GEMIN4: variants seen among roughly 807,000 people sequenced by gnomAD.
The protein encoded by GEMIN4 is gem-associated protein 4.
A neutral mutation model predicts 76.8 loss-of-function variants in GEMIN4; 59 were observed. The observed-to-expected ratio is 0.77, with a 90% CI of 0.62 to 0.95. The LOEUF is 0.95. GEMIN4 is among the 40% of genes least tolerant of loss of function. The pLI is 0.00. For synonymous variants in GEMIN4, 562 were observed against 559.7 expected, an observed-to-expected ratio of 1.00 and a Z score of -0.06; for missense variants, 1,311 against 1,318.9, an observed-to-expected ratio of 0.99 and a Z score of 0.09.
At chr17:749,929 G>A in intron 1 of GEMIN4, 2 of 986,774 alleles carry the variant, frequency 2.0e-6, no homozygotes, top group Non-Finnish European at 2.4e-6. Context: ...AAACCAGGGA[G>A]TAGATACAGA....
chr17:744,841 T>C lies in GEMIN4; in HGVS notation c.*25A>G. Reference sequence around the variant, plus strand: ...GCTGATCTTCTGCAGACCCGCCATGTTGGGGCCCAGCTCCCCACGCCAAGT... The same window carrying C: ...GCTGATCTTCTGCAGACCCGCCATGCTGGGGCCCAGCTCCCCACGCCAAGT... On this transcript the variant is annotated 3_prime_UTR_variant, in exon 2 of 2. Transcript: ENST00000319004. The C allele has an allele frequency of 6.3e-7, 1 of 1,589,498 alleles. No homozygotes were observed. Among genetic ancestry groups the C allele is most frequent in the Non-Finnish European group, 8.6e-7 (1 of 1,169,338 alleles).
At position 746,960 on chromosome 17, in the gene GEMIN4, G is replaced by C; in HGVS notation, c.1083C>G (p.Leu361=). 1.9e-6 allele frequency: 3 copies of C among 1,613,400 alleles called. No individual in the cohort carries two copies. Among genetic ancestry groups the C allele is most frequent in the Non-Finnish European group, 2.5e-6 (3 of 1,179,808 alleles). The change falls in exon 2 of 2, where the codon CTC becomes CTG. Residue 361 remains leucine, a synonymous_variant. Transcript: ENST00000319004. The surrounding 1 kb of genome is among the most constrained non-coding windows in gnomAD (Gnocchi z 4.3). ...SLTSFSQNAT[L]YLNRTSLSKE... is the part of the protein sequence containing the mutation. ...TGGACAGGCTGGTGCGGTTCAGGTAGAGCGTCGCGTTCTGGCTGAAGGAAG... is the reference window on the plus strand; with the variant it reads ...TGGACAGGCTGGTGCGGTTCAGGTACAGCGTCGCGTTCTGGCTGAAGGAAG...
Position 745,393 on chromosome 17 carries a change from G to C in GEMIN4, c.2650C>G (p.Leu884Val). 1.2e-6 allele frequency: 2 copies of C among 1,613,124 alleles called. No individual in the cohort carries two copies. The highest frequency in any genetic ancestry group is 8.5e-7 in the Non-Finnish European group (1 of 1,179,870). Residue 884 changes from leucine (L) to valine (V), a missense_variant, in exon 2 of 2, where the codon CTC becomes GTC. Coordinates refer to ENST00000319004, the MANE Select transcript of GEMIN4 (RefSeq NM_015721.3). The surrounding 1 kb of genome is among the most constrained non-coding windows in gnomAD (Gnocchi z 4.6). ...QLTRRLLEKQLLHVPYSLEYI... is the reference protein window; with the variant it reads ...QLTRRLLEKQVLHVPYSLEYI... ...TCCAGGCTATAAGGGACATGGAGGA[G>C]CTGCTTCTCCAGCAGTCTCCTGGTC...
chr17:752,110 G>A (rs1236092530), intron 1 of GEMIN4, 23 bp downstream of exon 1: 5 of 1,232,806 alleles, frequency 4.1e-6, no homozygotes, highest in Non-Finnish European at 5.1e-6. Flanking sequence ...CGCAGCCCGG[G>A]GCCGGGGAGC....
At position 750,938 on chromosome 17, in the gene GEMIN4, A is replaced by C. The variant is rs1332396902; in HGVS notation, c.10+1195T>G. On this transcript the variant is annotated intron_variant, in intron 1 of 1. Coordinates refer to ENST00000319004, the MANE Select transcript of GEMIN4 (RefSeq NM_015721.3). ...TCAGGAGGCTCTCCCAGGGTCCCAAAATATAGTCCCTCCTGACGCTGTAAA... is the reference window on the plus strand; with the variant it reads ...TCAGGAGGCTCTCCCAGGGTCCCAACATATAGTCCCTCCTGACGCTGTAAA... Among the ~76,000 whole-genome samples, 4 of 152,294 alleles carry C rather than the reference A, an allele frequency of 2.6e-5. No individual in the cohort carries two copies. The East Asian group carries it at 7.7e-4, about 29-fold the overall frequency.
Position 746,201 on chromosome 17 carries a change from C to T in GEMIN4, c.1842G>A (p.Lys614=). The T allele has an allele frequency of 6.2e-7, 1 of 1,613,858 alleles. No individual in the cohort carries two copies. Among genetic ancestry groups the T allele is most frequent in the South Asian group, 1.1e-5 (1 of 91,084 alleles). The part of the protein sequence containing the change: ...VSCLKETVWM[K]FSTPKEEKQF... ...GCTTTTCTTCCTTGGGTGTAGAGAA[C>T]TTCATCCAGACGGTTTCTTTGAGGC... Residue 614 remains lysine, a synonymous_variant, in exon 2 of 2, where the codon AAG becomes AAA. Transcript: ENST00000319004. This position sits in a 1 kb window ranked among gnomAD's most constrained non-coding sequence, Gnocchi z 4.3.
rs983669400 is a variant in GEMIN4 at position 752,146 on chromosome 17, G to T, written c.-4C>A. The T allele has an allele frequency of 6.5e-6, 8 of 1,237,250 alleles. No individual in the cohort carries two copies. Among genetic ancestry groups the T allele is most frequent in the African/African-American group, 3.1e-5 (2 of 64,654 alleles). 76.6% of individuals were successfully genotyped at this position (1,237,250 alleles called of 1,614,324 possible). A position where few individuals can be genotyped will look rare whatever the true frequency, so the allele number is the denominator to read the frequency against. Reference sequence around the variant, plus strand: ...CGCGGCACCCACCTAGGTCCATGGCGGCGACGCCGGCGGCTGCGCGGGGCT... The same window carrying T: ...CGCGGCACCCACCTAGGTCCATGGCTGCGACGCCGGCGGCTGCGCGGGGCT... On this transcript the variant is annotated 5_prime_UTR_variant, in exon 1 of 2. Coordinates refer to ENST00000319004, the MANE Select transcript of GEMIN4 (RefSeq NM_015721.3).
chr17:752,066 C>G, intron 1 of GEMIN4, 67 bp downstream of exon 1: 2 of 1,095,456 alleles, frequency 1.8e-6, no homozygotes. Flanking sequence ...GGAGACGCGA[C>G]GGGGCAGCAC....
chr17:749,389 G>C (rs370950594), intron 1 of GEMIN4: 2 of 169,062 alleles, frequency 1.2e-5, no homozygotes, highest in East Asian at 4.4e-4. Context: ...ACGGCCACAG[G>C]ATAATGGGCA....
rs200678582 is a variant in GEMIN4 at position 747,063 on chromosome 17, C to A, written c.980G>T (p.Trp327Leu). The A allele has an allele frequency of 5.1e-5, 82 of 1,613,504 alleles. No individual in the cohort carries two copies. The African/African-American group carries it at 7.7e-4, about 15-fold the overall frequency. Residue 327 changes from tryptophan to leucine, a missense_variant, in exon 2 of 2, where the codon TGG (tryptophan) becomes TTG (leucine). By Grantham distance (61) the Trp-to-Leu change is moderately conservative. Transcript: ENST00000319004. ...CEFLHHLLRE[W>L]GEELQAVLRS... Reference sequence around the variant, plus strand: ...GAGCACGGCCTGCAACTCCTCCCCCCACTCCCGCAGCAGGTGGTGCAGGAA... The same window carrying A: ...GAGCACGGCCTGCAACTCCTCCCCCAACTCCCGCAGCAGGTGGTGCAGGAA...
At position 747,235 on chromosome 17, in the gene GEMIN4, C is replaced by G. The variant is rs370499607; in HGVS notation, c.808G>C (p.Ala270Pro). ...VSATVYLDKL[A>P]TVISVWNSDT... is the part of the protein sequence containing the mutation. ...GAGTTCCACACAGAGATCACCGTGG[C>G]CAGTTTGTCCAGATACACGGTTGCA... The change falls in exon 2 of 2, where the codon GCC becomes CCC. Residue 270 changes from alanine (A) to proline (P), a missense_variant. Coordinates refer to ENST00000319004, the MANE Select transcript of GEMIN4 (RefSeq NM_015721.3). 1.3e-5 allele frequency: 21 copies of G among 1,613,748 alleles called. No homozygotes were observed. Among genetic ancestry groups the G allele is most frequent in the Non-Finnish European group, 1.8e-5 (21 of 1,179,908 alleles).
At chr17:748,478 A>G (rs1904406727) in intron 1 of GEMIN4, 1 of 174,576 alleles carries the variant, frequency 5.7e-6, no homozygotes. Flanking sequence ...AAAGTGTGTG[A>G]AAAGAAAAAG....
rs948044205 is a variant in GEMIN4 at position 749,956 on chromosome 17, T to G, written c.11-1924A>C. ...AGATACAGAAAATACTGTGCTAGAT[T>G]AAGCCTTCCTTCAGGGAACTAACGA... On this transcript the variant is annotated intron_variant, in intron 1 of 1. Coordinates refer to ENST00000319004, the MANE Select transcript of GEMIN4 (RefSeq NM_015721.3). 3 of 985,698 alleles carry G rather than the reference T, an allele frequency of 3.0e-6. No homozygotes were observed. The African/African-American group carries it at 5.2e-5, about 17-fold the overall frequency. The allele number at this position is 985,698 out of a possible 1,614,324, so 61.1% of individuals were successfully genotyped here.
intron 1 of GEMIN4, chr17:748,427 G>T (rs1904401259): frequency 5.1e-6 from 1 of 195,562 alleles, no homozygotes; most frequent in Admixed American, 5.6e-5. Flanking sequence ...CTGCCCAGAG[G>T]GGATCACCGG....
rs374272851 is a variant in GEMIN4, at chr17:745,848, A to G, written c.2195T>C (p.Ile732Thr). 1.2e-6 allele frequency: 2 copies of G among 1,612,840 alleles called. No homozygotes were observed. The highest frequency in any genetic ancestry group is 1.7e-5 in the Admixed American group (1 of 59,964). The change falls in exon 2 of 2, where the codon ATC becomes ACC. Residue 732 changes from isoleucine (I) to threonine (T), a missense_variant. By Grantham distance (89) the Ile-to-Thr change is moderately conservative. Coordinates refer to ENST00000319004, the MANE Select transcript of GEMIN4 (RefSeq NM_015721.3). This position sits in a 1 kb window ranked among gnomAD's most constrained non-coding sequence, Gnocchi z 4.6. ...TACAATCTCACACAGGAGCTCCAGG[A>G]TATGGATCGCTAGATCCTTCCTATC... ...SLDRKDLAIH[I>T]LELLCEIVSA...
chr17:750,838 T>G (rs1904637279), intron 1 of GEMIN4, among the ~76,000 whole-genome samples: 1 of 152,216 alleles, frequency 6.6e-6, no homozygotes, highest in African/African-American at 2.4e-5. Context: ...CATCTCACAG[T>G]GGCTGAGACC....
At chr17:748,183 C>A (rs1042896024) in intron 1 of GEMIN4, 151 bp from the exon 2 acceptor site, 83 of 638,194 alleles carry the variant, frequency 1.3e-4, no homozygotes, top group Non-Finnish European at 1.8e-4. Context: ...CACTGCACAG[C>A]TGGAGTCAGA....
Position 747,412 on chromosome 17 carries a change from G to C in GEMIN4, c.631C>G (p.Pro211Ala). ...KRLRSDPDAC[P>A]TMPLLAMLLR... ...AGCATGGCCAACAGGGGCATGGTGG[G>C]GCACGCGTCTGGGTCTGACCTAAGC... Residue 211 changes from proline (P) to alanine (A), a missense_variant, in exon 2 of 2, where the codon CCC becomes GCC. Physicochemically the swap from Pro to Ala is conservative, Grantham distance 27 (BLOSUM62 -1). Coordinates refer to ENST00000319004, the MANE Select transcript of GEMIN4 (RefSeq NM_015721.3). The C allele has an allele frequency of 6.2e-7, 1 of 1,613,740 alleles. No individual in the cohort carries two copies. The highest frequency in any genetic ancestry group is 2.2e-5 in the East Asian group (1 of 44,880).
Position 745,150 on chromosome 17 carries a change from G to C in GEMIN4, c.2893C>G (p.Gln965Glu). The C allele has an allele frequency of 6.2e-7, 1 of 1,606,424 alleles. No homozygotes were observed. Among genetic ancestry groups the C allele is most frequent in the Non-Finnish European group, 8.5e-7 (1 of 1,176,768 alleles). Residue 965 changes from glutamine (Q) to glutamate (E), a missense_variant, in exon 2 of 2, where the codon CAA becomes GAA. Coordinates refer to ENST00000319004, the MANE Select transcript of GEMIN4 (RefSeq NM_015721.3). The surrounding 1 kb of genome is among the most constrained non-coding windows in gnomAD (Gnocchi z 4.6). ...RAIQAAGPWVQGPEQDLTQEA... is the reference protein window; with the variant it reads ...RAIQAAGPWVEGPEQDLTQEA... ...TGGGTCAGGTCCTGCTCTGGTCCTT[G>C]AACCCAAGGGCCAGCTGCCTGTATC...
Sources: allele counts gnomAD v4.1 joint callset (sites outside exome capture counted in the v4.1 genomes callset), GRCh38; gene constraint gnomAD v4.1.1; non-coding constraint Gnocchi (gnomAD v3.1); transcripts MANE v1.5; gene names NCBI Gene and HGNC (gene_info 2026-07-23, HGNC 2026-07-21).